Variants in TRDN observed in about 807,000 individuals in gnomAD.
TRDN encodes the protein triadin in skeletal muscle.
A neutral mutation model predicts 149.7 loss-of-function variants in TRDN; 161 were observed. The observed-to-expected ratio is 1.08, with a 90% confidence interval of 0.95 to 1.23. The LOEUF (loss-of-function observed/expected upper bound fraction) is 1.23, where lower values mean the gene tolerates loss of function less well. Among genes scored for constraint, TRDN ranks in the 50% most tolerant of loss-of-function variants. The pLI is 0.00. For synonymous variants in TRDN, 294 were observed against 250.5 expected, an observed-to-expected ratio of 1.17 and a Z score of -1.64; for missense variants, 896 against 823.5, an observed-to-expected ratio of 1.09 and a Z score of -1.08.
intron 7 of TRDN, among the ~76,000 whole-genome samples, chr6:123,506,891 T>A (rs1778950857): frequency 6.6e-6 from 1 of 152,162 alleles, no homozygotes; most frequent in South Asian, 2.1e-4. Flanking sequence ...TTATATATCT[T>A]GAAATATAGA....
In TRDN at chr6:123,559,848, C is replaced by T. The variant is rs557995376; in HGVS notation, c.232+11075G>A. Among the ~76,000 whole-genome samples the T allele has an allele frequency of 8.0e-4, 121 of 152,176 alleles. 1 individual carries two copies. The highest frequency in any genetic ancestry group is 1.5e-3 in the South Asian group (7 of 4,826). On this transcript the variant is annotated intron_variant, in intron 2 of 40. Coordinates refer to ENST00000334268, the MANE Select transcript of TRDN (RefSeq NM_006073.4). ...CTCTCCTATCCTCAATACCTCCCTC[C>T]ACAATCCATTATTCTGTTCTGGATC...
At chr6:123,250,217 G>T (rs1189185621) in intron 38 of TRDN, among the ~76,000 whole-genome samples, 5 of 152,056 alleles carry the variant, frequency 3.3e-5, no homozygotes, top group East Asian at 1.9e-4. Flanking sequence ...GACATGACTT[G>T]CTCATGGCTG....
At chr6:123,394,674 CTTG>C (rs1562292948) in intron 12 of TRDN, among the ~76,000 whole-genome samples, 1 of 151,906 alleles carries the variant, frequency 6.6e-6, no homozygotes, top group Non-Finnish European at 1.5e-5. Flanking sequence ...TGCTTTACCT[CTTG>C]TTGGTAAGAT....
intron 9 of TRDN, among the ~76,000 whole-genome samples, chr6:123,469,252 CAT>C (rs755604460): frequency 2.6e-5 from 4 of 152,134 alleles, no homozygotes; most frequent in Admixed American, 1.3e-4. Context: ...TAGGCTGAGA[CAT>C]GTGATTGTGC....
chr6:123,274,697 TA>T, intron 26 of TRDN, 27 bp from the exon 27 acceptor site: 1 of 1,594,154 alleles, frequency 6.3e-7, no homozygotes, highest in Non-Finnish European at 8.6e-7. Context: ...GCAGAAAATT[TA>T]AAACCTGAAA....
intron 10 of TRDN, among the ~76,000 whole-genome samples, chr6:123,447,738 AC>A (rs1349585702): frequency 6.6e-6 from 1 of 151,178 alleles, no homozygotes; most frequent in East Asian, 2.0e-4. Context: ...TGGCCACTGC[AC>A]TCTAGTCTGG....
chr6:123,614,201 G>A (rs1784950846), intron 1 of TRDN, among the ~76,000 whole-genome samples: 1 of 150,392 alleles, frequency 6.6e-6, no homozygotes, highest in African/African-American at 2.4e-5. Context: ...TGGGAGGCAT[G>A]GCTGTAGGTA....
chr6:123,349,130 T>A (rs1780359765), intron 21 of TRDN, among the ~76,000 whole-genome samples: 1 of 152,128 alleles, frequency 6.6e-6, no homozygotes, highest in African/African-American at 2.4e-5. Flanking sequence ...AAGAAGGGAC[T>A]AGAAAGTAAT....
intron 9 of TRDN, among the ~76,000 whole-genome samples, chr6:123,478,140 A>G (rs1412876833): frequency 6.6e-6 from 1 of 151,954 alleles, no homozygotes; most frequent in African/African-American, 2.4e-5. Flanking sequence ...TTATTTTCCT[A>G]TTTAATCAAC....
At chr6:123,603,611 G>C (rs1242203020) in intron 1 of TRDN, among the ~76,000 whole-genome samples, 4 of 151,868 alleles carry the variant, frequency 2.6e-5, no homozygotes, top group African/African-American at 9.7e-5. Flanking sequence ...TCCAGACATT[G>C]TTTCATGTTA....
chr6:123,315,447 T>C (rs933027370), intron 24 of TRDN, among the ~76,000 whole-genome samples: 8 of 151,948 alleles, frequency 5.3e-5, no homozygotes, highest in Non-Finnish European at 8.8e-5. Flanking sequence ...ACAATTTATT[T>C]TGATCTGATG....
At chr6:123,485,189 G>T (rs762675768) in intron 9 of TRDN, among the ~76,000 whole-genome samples, 35 of 152,064 alleles carry the variant, frequency 2.3e-4, no homozygotes, top group Non-Finnish European at 3.8e-4. Flanking sequence ...TTCTCTCATT[G>T]TAGCCTAATT....
chr6:123,520,219 T>C (rs1421832928), intron 5 of TRDN, among the ~76,000 whole-genome samples: 1 of 152,168 alleles, frequency 6.6e-6, no homozygotes, highest in Non-Finnish European at 1.5e-5. Context: ...TTAAAAATCT[T>C]CTTAAATATT....
In TRDN at chr6:123,516,214, GA is replaced by G; in HGVS notation, c.485-9del. 1 of 1,474,626 alleles carries G rather than the reference GA, an allele frequency of 6.8e-7. No homozygotes were observed. The highest frequency in any genetic ancestry group is 9.1e-7 in the Non-Finnish European group (1 of 1,102,346). 91.3% of individuals were successfully genotyped at this position (1,474,626 alleles called of 1,614,324 possible). On this transcript the variant is annotated splice_polypyrimidine_tract_variant and intron_variant, in intron 5 of 40. Coordinates refer to ENST00000334268, the MANE Select transcript of TRDN (RefSeq NM_006073.4). ...CTTTTTCTTTGTGTGTAACTGAAAA[GA>G]AACAGATAAATAGTTTTCATTTAAA...
At chr6:123,499,514 G>A (rs1343145247) in intron 8 of TRDN, among the ~76,000 whole-genome samples, 2 of 150,624 alleles carry the variant, frequency 1.3e-5, no homozygotes, top group South Asian at 4.2e-4. Flanking sequence ...GGCCAGCCTA[G>A]CCAGCATAGT....
At chr6:123,268,864 C>A (rs549416237) in intron 31 of TRDN, among the ~76,000 whole-genome samples, 7 of 151,878 alleles carry the variant, frequency 4.6e-5, no homozygotes, top group Admixed American at 1.3e-4. Context: ...AATAATAAAT[C>A]AAGGGAATAA....
intron 38 of TRDN, among the ~76,000 whole-genome samples, chr6:123,229,285 C>T (rs1316167805): frequency 6.6e-6 from 1 of 151,862 alleles, no homozygotes; most frequent in East Asian, 1.9e-4. Context: ...CCTACTGACA[C>T]AAGGGTTCTT....
intron 20 of TRDN, among the ~76,000 whole-genome samples, chr6:123,363,447 T>C (rs911439363): frequency 5.3e-5 from 8 of 152,232 alleles, no homozygotes; most frequent in African/African-American, 1.9e-4. Flanking sequence ...AAAACAGCTA[T>C]GGTTGCTTTG....
At chr6:123,276,753 T>C (rs1194203956) in intron 26 of TRDN, among the ~76,000 whole-genome samples, 1 of 152,140 alleles carries the variant, frequency 6.6e-6, no homozygotes, top group East Asian at 1.9e-4. Context: ...AATGTGACAC[T>C]AGTCAGGTTT....
Sources: allele counts gnomAD v4.1 joint callset (sites outside exome capture counted in the v4.1 genomes callset), GRCh38; gene constraint gnomAD v4.1.1; transcripts MANE v1.5; gene names NCBI Gene and HGNC (gene_info 2026-07-23, HGNC 2026-07-21).